SEZ6L: variants seen among roughly 807,000 people sequenced by gnomAD.
SEZ6L encodes the protein seizure 6-like protein.
Under a neutral mutation model 106.2 loss-of-function variants are expected in SEZ6L, and 37 were observed. The ratio of observed to expected loss-of-function variants is 0.35; its 90% CI spans 0.27 to 0.46. The LOEUF is 0.46. SEZ6L is among the 20% of genes least tolerant of loss of function. The pLI, the probability that SEZ6L is intolerant of heterozygous loss-of-function variation, is 1.00. For synonymous variants in SEZ6L, 541 were observed against 570.4 expected (o/e 0.95, Z 0.73); for missense variants, 1,172 against 1,332.8 (o/e 0.88, Z 1.88).
intron 1 of SEZ6L, among the ~76,000 whole-genome samples, chr22:26,238,093 C>T (rs1353094626): frequency 6.6e-6 from 1 of 152,142 alleles, no homozygotes; most frequent in East Asian, 1.9e-4. Flanking sequence ...AGTGGATGAA[C>T]AGAGGTCGGG....
chr22:26,355,914 G>T (rs1249650194), intron 12 of SEZ6L, among the ~76,000 whole-genome samples: 1 of 152,226 alleles, frequency 6.6e-6, no homozygotes, highest in Admixed American at 6.5e-5. Flanking sequence ...CAGAGATAAA[G>T]GGAAGAGTCT....
chr22:26,332,378 G>A (rs1294538373), intron 9 of SEZ6L, among the ~76,000 whole-genome samples: 2 of 151,776 alleles, frequency 1.3e-5, no homozygotes, highest in African/African-American at 2.4e-5. Flanking sequence ...TTGAACTCCT[G>A]ACCTCAGGTT....
At chr22:26,199,309 C>T (rs1275464948) in intron 1 of SEZ6L, among the ~76,000 whole-genome samples, 1 of 152,178 alleles carries the variant, frequency 6.6e-6, no homozygotes, top group Non-Finnish European at 1.5e-5. Flanking sequence ...GAACACAGCT[C>T]CCAACTTCCA....
rs557942446 is a variant in SEZ6L at position 26,312,673 on chromosome 22, C to T, written c.1876+711C>T. 5.3e-5 allele frequency among the ~76,000 whole-genome samples: 8 copies of T among 152,206 alleles called. No homozygotes were observed. The South Asian group carries it at 6.2e-4, about 12-fold the overall frequency. On this transcript the variant is annotated intron_variant, in intron 8 of 16. Transcript: ENST00000248933. The stretch of plus-strand genomic sequence containing the variant: ...GCAGCCTCCGCTTCCCGGGTTCAAG[C>T]GATTCTCCTGTCTCAGCCTCCTGAG...
intron 5 of SEZ6L, among the ~76,000 whole-genome samples, chr22:26,305,454 C>T (rs2081600998): frequency 6.6e-6 from 1 of 152,230 alleles, no homozygotes; most frequent in African/African-American, 2.4e-5. Flanking sequence ...ATCACCCTTA[C>T]CATCTCCAGA....
Position 26,169,554 on chromosome 22 carries a change from G to C in SEZ6L, c.-116G>C, listed in dbSNP as rs1938423052. 2.4e-6 allele frequency: 1 copy of C among 408,656 alleles called. No homozygotes were observed. The highest frequency in any genetic ancestry group is 4.3e-6 in the Non-Finnish European group (1 of 234,178). The allele number at this position is 408,656 out of a possible 1,614,324, so 25.3% of individuals were successfully genotyped here. On this transcript the variant is annotated 5_prime_UTR_variant, in exon 1 of 17. Coordinates refer to ENST00000248933, the MANE Select transcript of SEZ6L (RefSeq NM_021115.5). The stretch of plus-strand genomic sequence containing the variant: ...GGGGCTCCGGAAGCTGCCCCGGCCC[G>C]CGGCCTCCTCCCTCGCTCCCGCTTC...
intron 2 of SEZ6L, 137 bp downstream of exon 2, chr22:26,293,283 C>A (rs2081198237): frequency 3.2e-6 from 4 of 1,269,726 alleles, no homozygotes; most frequent in African/African-American, 3.0e-5. Context: ...TGACTATGAG[C>A]TTCGCCCTGT....
At chr22:26,217,911 T>C (rs2078344677) in intron 1 of SEZ6L, among the ~76,000 whole-genome samples, 1 of 152,260 alleles carries the variant, frequency 6.6e-6, no homozygotes, top group Non-Finnish European at 1.5e-5. Context: ...AAGACACTTC[T>C]GAGGCTGATG....
At chr22:26,246,401 T>A (rs1007976930) in intron 1 of SEZ6L, among the ~76,000 whole-genome samples, 1 of 152,094 alleles carries the variant, frequency 6.6e-6, no homozygotes, top group Admixed American at 6.6e-5. Context: ...AAAGAAAGAA[T>A]TAGAAGGAAG....
At chr22:26,210,155 T>C (rs1220377503) in intron 1 of SEZ6L, among the ~76,000 whole-genome samples, 2 of 152,192 alleles carry the variant, frequency 1.3e-5, no homozygotes, top group African/African-American at 2.4e-5. Context: ...TCAGTAGAGA[T>C]GAACCATGGC....
chr22:26,224,413 TCAGAGAAGGAG>T, intron 1 of SEZ6L, among the ~76,000 whole-genome samples: 1 of 152,042 alleles, frequency 6.6e-6, no homozygotes, highest in Non-Finnish European at 1.5e-5. Context: ...ATATGAGCTA[TCAGAGAAGGAG>T]ACAGACACAG....
At chr22:26,336,871 A>G (rs2082661484) in intron 9 of SEZ6L, among the ~76,000 whole-genome samples, 1 of 152,164 alleles carries the variant, frequency 6.6e-6, no homozygotes, top group South Asian at 2.1e-4. Context: ...AAAACCACTG[A>G]CATAAATCAT....
chr22:26,364,450 G>A (rs930686517), intron 12 of SEZ6L, among the ~76,000 whole-genome samples: 10 of 147,304 alleles, frequency 6.8e-5, no homozygotes, highest in African/African-American at 2.5e-4. Flanking sequence ...AAAAAAAGCC[G>A]AGTGTGGCGG....
chr22:26,210,627 G>A (rs1184340322), intron 1 of SEZ6L, among the ~76,000 whole-genome samples: 7 of 152,092 alleles, frequency 4.6e-5, no homozygotes, highest in Non-Finnish European at 7.3e-5. Flanking sequence ...TCATATACCA[G>A]CCTGGCAGCC....
chr22:26,220,081 G>A (rs920701681), intron 1 of SEZ6L, among the ~76,000 whole-genome samples: 5 of 152,290 alleles, frequency 3.3e-5, no homozygotes, highest in Non-Finnish European at 5.9e-5. Context: ...GTGGAGAGAC[G>A]CAGATGTGGG....
intron 1 of SEZ6L, among the ~76,000 whole-genome samples, chr22:26,180,728 T>C (rs1939336143): frequency 6.6e-6 from 1 of 152,106 alleles, no homozygotes; most frequent in South Asian, 2.1e-4. Context: ...AGCCTCAAGG[T>C]GGGGTCCCAG....
chr22:26,376,142 T>C (rs2084215711), intron 15 of SEZ6L, among the ~76,000 whole-genome samples: 1 of 151,916 alleles, frequency 6.6e-6, no homozygotes, highest in African/African-American at 2.4e-5. Flanking sequence ...TCATTCACAT[T>C]CACAGTTGTT....
At chr22:26,332,609 G>A (rs2082521893) in intron 9 of SEZ6L, among the ~76,000 whole-genome samples, 2 of 151,962 alleles carry the variant, frequency 1.3e-5, no homozygotes, top group African/African-American at 4.8e-5. Context: ...ACCGTGCCCG[G>A]CTAATGTTTT....
intron 9 of SEZ6L, among the ~76,000 whole-genome samples, chr22:26,322,084 G>A (rs1028553843): frequency 6.6e-6 from 1 of 152,316 alleles, no homozygotes; most frequent in African/African-American, 2.4e-5. Context: ...GCTAATGTGG[G>A]TAGAGATAAT....
Sources: allele counts gnomAD v4.1 joint callset (sites outside exome capture counted in the v4.1 genomes callset), GRCh38; gene constraint gnomAD v4.1.1; transcripts MANE v1.5; gene names NCBI Gene and HGNC (gene_info 2026-07-23, HGNC 2026-07-21).